The following TMEM266 variants were observed in gnomAD, a reference collection of about 807,000 sequenced individuals.
TMEM266 encodes transmembrane protein 266.
TMEM266 carries 33 observed loss-of-function variants against 50.5 expected under a neutral mutation model. The ratio of observed to expected loss-of-function variants is 0.65; its 90% CI spans 0.50 to 0.87. The LOEUF is 0.87. Ranked by LOEUF, TMEM266 falls within the 40% of genes least tolerant of loss-of-function variation. TMEM266 has a pLI of 0.00. For synonymous variants in TMEM266, 310 were observed against 292.3 expected, an observed-to-expected ratio of 1.06 and a Z score of -0.62; for missense variants, 655 against 695.1, an observed-to-expected ratio of 0.94 and a Z score of 0.65.
intron 1 of TMEM266, among the ~76,000 whole-genome samples, chr15:76,089,741 C>T (rs112377709): frequency 5.7e-4 from 86 of 152,076 alleles, no homozygotes; most frequent in South Asian, 1.2e-3. Context: ...AGGGCACAGG[C>T]GAGGGCAGAG....
At chr15:76,074,284 A>G (rs1202220231) in intron 1 of TMEM266, among the ~76,000 whole-genome samples, 2 of 152,056 alleles carry the variant, frequency 1.3e-5, no homozygotes, top group African/African-American at 4.8e-5. Context: ...AAATGCACAT[A>G]ACTTGCAATT....
chr15:76,081,321 G>T (rs553034023), intron 1 of TMEM266, among the ~76,000 whole-genome samples: 1 of 152,314 alleles, frequency 6.6e-6, no homozygotes, highest in South Asian at 2.1e-4. Flanking sequence ...TCCAATAAGA[G>T]GATAATGTGT....
chr15:76,132,814 ATTAT>A (rs1364396584), intron 1 of TMEM266, among the ~76,000 whole-genome samples: 2 of 17,418 alleles, frequency 1.1e-4, no homozygotes, highest in African/African-American at 2.7e-4. Context: ...AATAATAGTA[ATTAT>A]TATTATTATT....
At chr15:76,101,400 T>A (rs2036997408) in intron 1 of TMEM266, among the ~76,000 whole-genome samples, 1 of 152,202 alleles carries the variant, frequency 6.6e-6, no homozygotes. Context: ...ACACCGGGAC[T>A]GGTCTGAAAG....
At chr15:76,091,264 T>C (rs1049470750) in intron 1 of TMEM266, among the ~76,000 whole-genome samples, 1 of 152,120 alleles carries the variant, frequency 6.6e-6, no homozygotes, top group African/African-American at 2.4e-5. Flanking sequence ...AAAAATTACT[T>C]GAGGGTGTAC....
chr15:76,110,637 G>C (rs2037157152), intron 1 of TMEM266, among the ~76,000 whole-genome samples: 1 of 152,122 alleles, frequency 6.6e-6, no homozygotes, highest in African/African-American at 2.4e-5. Flanking sequence ...AGATCACCCA[G>C]GTGTATCTGT....
At position 76,203,812 on chromosome 15, in the gene TMEM266, T is replaced by C. The variant is rs1335677367; in HGVS notation, c.1093T>C (p.Ser365Pro). 6.2e-7 allele frequency: 1 copy of C among 1,614,008 alleles called. No homozygotes were observed. The highest frequency in any genetic ancestry group is 1.3e-5 in the African/African-American group (1 of 74,916). The change falls in exon 11 of 11, where the codon TCC (serine) becomes CCC (proline). Residue 365 changes from serine (S) to proline (P), a missense_variant. Physicochemically the swap from Ser to Pro is moderately conservative, Grantham distance 74. Transcript: ENST00000388942. The stretch of plus-strand genomic sequence containing the variant: ...AATAGACATTCACCAGCCCAACATC[T>C]CCTCGGACCTCTTCTCTCTGGACAT...
At chr15:76,073,233 C>CT (rs57465474) in intron 1 of TMEM266, among the ~76,000 whole-genome samples, 5,845 of 135,060 alleles carry the variant, frequency 0.043, 254 homozygotes, top group East Asian at 0.2. Context: ...GCCCGGCCTT[C>CT]TTTTTTTTTT....
chr15:76,115,443 C>T lies in TMEM266; in HGVS notation c.-96-18725C>T, dbSNP rs1032703934. On this transcript the variant is annotated intron_variant, in intron 1 of 10. Coordinates refer to ENST00000388942, the MANE Select transcript of TMEM266 (RefSeq NM_152335.3). ...CTTGGTCTCTCATCCCACTGGCAGA[C>T]CAGCTCTTCTGCTCTGGCCCTACGC... 3.3e-5 allele frequency among the ~76,000 whole-genome samples: 5 copies of T among 152,220 alleles called. No homozygotes were observed. The South Asian group carries it at 8.3e-4, about 25-fold the overall frequency.
chr15:76,122,324 C>T (rs2142020134), intron 1 of TMEM266, among the ~76,000 whole-genome samples: 1 of 152,348 alleles, frequency 6.6e-6, no homozygotes, highest in Middle Eastern at 3.4e-3. Flanking sequence ...CCAAGGCCAA[C>T]CACCAGGTAA....
intron 3 of TMEM266, among the ~76,000 whole-genome samples, chr15:76,146,322 T>C (rs377450991): frequency 3.3e-5 from 5 of 152,064 alleles, no homozygotes; most frequent in African/African-American, 1.2e-4. Flanking sequence ...GGTGAGGAAG[T>C]GGGATAGTCT....
intron 1 of TMEM266, among the ~76,000 whole-genome samples, chr15:76,083,445 T>C (rs375860003): frequency 2.4e-4 from 36 of 152,112 alleles, no homozygotes; most frequent in African/African-American, 8.7e-4. Context: ...CAGTCTTTTT[T>C]CTCCAGGCTC....
intron 4 of TMEM266, 106 bp from the exon 5 acceptor site, chr15:76,159,989 A>T: frequency 9.5e-7 from 1 of 1,049,422 alleles, no homozygotes; most frequent in African/African-American, 1.6e-5. Context: ...ACGTTCATGC[A>T]GGCGGGCCCC....
intron 4 of TMEM266, among the ~76,000 whole-genome samples, chr15:76,157,151 TGTA>T (rs916019832): frequency 2.0e-5 from 3 of 152,242 alleles, no homozygotes; most frequent in African/African-American, 7.2e-5. Flanking sequence ...CATCTCAGCT[TGTA>T]GTAACTAATT....
intron 3 of TMEM266, among the ~76,000 whole-genome samples, chr15:76,150,019 C>T (rs964504537): frequency 1.1e-4 from 17 of 152,318 alleles, no homozygotes; most frequent in Admixed American, 8.5e-4. Flanking sequence ...CACAGGTGTT[C>T]AGCATCATAG....
At chr15:76,106,613 T>A (rs2037083996) in intron 1 of TMEM266, among the ~76,000 whole-genome samples, 1 of 152,086 alleles carries the variant, frequency 6.6e-6, no homozygotes, top group Non-Finnish European at 1.5e-5. Context: ...CTAATTATTT[T>A]ATTTTTTATT....
In TMEM266 at chr15:76,130,682, G is replaced by A. The variant is rs139639703; in HGVS notation, c.-96-3486G>A. Among the ~76,000 whole-genome samples the A allele has an allele frequency of 1.6e-3, 249 of 152,364 alleles. 2 individuals are homozygous for A. The highest frequency in any genetic ancestry group is 5.9e-3 in the African/African-American group (244 of 41,582). On this transcript the variant is annotated intron_variant, in intron 1 of 10. Transcript: ENST00000388942. ...CTAGGATTTATTCCAAAACAGTCAT[G>A]AGTGGTGGAGACAGGCAGGGATACA...
At chr15:76,197,799 G>T (rs1261686669) in intron 9 of TMEM266, among the ~76,000 whole-genome samples, 1 of 152,150 alleles carries the variant, frequency 6.6e-6, no homozygotes, top group Non-Finnish European at 1.5e-5. Context: ...CACAGTCCAT[G>T]CAGCCTGGCC....
intron 9 of TMEM266, among the ~76,000 whole-genome samples, chr15:76,201,756 T>C (rs994384096): frequency 6.6e-6 from 1 of 152,190 alleles, no homozygotes. Flanking sequence ...GCTATCTGGA[T>C]GGCACCTCAG....
Sources: gnomAD v4.1 joint callset for allele counts (sites outside exome capture counted in the v4.1 genomes callset) on GRCh38, gnomAD v4.1.1 for gene constraint, MANE v1.5 for transcripts, NCBI Gene and HGNC (gene_info 2026-07-23, HGNC 2026-07-21) for gene names.